The following NPFFR2 variants were observed in gnomAD, a reference collection of about 807,000 sequenced individuals.
The protein encoded by NPFFR2 is neuropeptide FF receptor 2.
NPFFR2 carries 15 observed loss-of-function variants against 13.1 expected under a neutral mutation model. The ratio of observed to expected loss-of-function variants is 1.15; its 90% CI spans 0.77 to 1.76. The LOEUF (loss-of-function observed/expected upper bound fraction) is 1.76, where lower values mean the gene tolerates loss of function less well. Ranked by LOEUF, NPFFR2 falls within the 40% of genes most tolerant of loss-of-function variation. The pLI is 0.00. For synonymous variants in NPFFR2, 190 were observed against 175.7 expected, an observed-to-expected ratio of 1.08 and a Z score of -0.65; for missense variants, 572 against 503.5, an observed-to-expected ratio of 1.14 and a Z score of -1.30.
chr4:72,118,112 T>C (rs980176384), intron 1 of NPFFR2, among the ~76,000 whole-genome samples: 1 of 152,224 alleles, frequency 6.6e-6, no homozygotes, highest in African/African-American at 2.4e-5. Context: ...TTATGTACCC[T>C]CTTATGTGCT....
chr4:72,130,727 C>A (rs1252662239), intron 2 of NPFFR2, among the ~76,000 whole-genome samples: 1 of 152,088 alleles, frequency 6.6e-6, no homozygotes, highest in East Asian at 1.9e-4. Flanking sequence ...GTAACTAATC[C>A]TGTACCAGCC....
intron 1 of NPFFR2, among the ~76,000 whole-genome samples, chr4:72,118,880 C>G (rs1721787789): frequency 6.6e-6 from 1 of 151,866 alleles, no homozygotes; most frequent in Admixed American, 6.5e-5. Context: ...AAATCTTCAA[C>G]AGAAAAATAA....
At chr4:72,036,569 T>C (rs1289910035) in intron 1 of NPFFR2, among the ~76,000 whole-genome samples, 2 of 148,044 alleles carry the variant, frequency 1.4e-5, no homozygotes, top group African/African-American at 4.9e-5. Flanking sequence ...TATATATACA[T>C]TTAAATATAT....
intron 3 of NPFFR2, among the ~76,000 whole-genome samples, chr4:72,141,207 C>A (rs535993333): frequency 1.2e-4 from 18 of 151,886 alleles, no homozygotes; most frequent in South Asian, 4.2e-4. Context: ...TAAAAAAAAA[C>A]CAGCTCCTGG....
intron 1 of NPFFR2, among the ~76,000 whole-genome samples, chr4:72,102,585 C>CT (rs1329774601): frequency 7.5e-6 from 1 of 133,946 alleles, no homozygotes; most frequent in Non-Finnish European, 1.5e-5. Flanking sequence ...TCCATGTGTT[C>CT]TCATTGTTCA....
intron 1 of NPFFR2, among the ~76,000 whole-genome samples, chr4:72,079,491 G>A (rs1720545478): frequency 6.6e-6 from 1 of 152,014 alleles, no homozygotes; most frequent in South Asian, 2.1e-4. Flanking sequence ...ATAAGAACAT[G>A]ATACCAAAAT....
rs562880175 is a variant in NPFFR2, at chr4:72,129,264, C to T, written c.328+345C>T. 6.6e-5 allele frequency among the ~76,000 whole-genome samples: 10 copies of T among 151,294 alleles called. No homozygotes were observed. In the East Asian group the frequency reaches 7.8e-4, roughly 12 times the overall value. On this transcript the variant is annotated intron_variant, in intron 2 of 3. Coordinates refer to ENST00000308744, the MANE Select transcript of NPFFR2 (RefSeq NM_004885.3). ...CCCCTACACACCTGTGGGTGTTTCT[C>T]GTAAGGTGGGACGAGAGATTTGGAA... is the stretch of plus-strand genomic sequence containing the variant.
intron 1 of NPFFR2, among the ~76,000 whole-genome samples, chr4:72,048,075 T>TAC (rs1055946361): frequency 2.8e-4 from 43 of 152,010 alleles, no homozygotes; most frequent in Admixed American, 7.9e-4. Context: ...ACACGTATAT[T>TAC]ACACACACAC....
intron 1 of NPFFR2, among the ~76,000 whole-genome samples, chr4:72,088,248 C>T (rs972963601): frequency 3.3e-5 from 5 of 151,990 alleles, no homozygotes; most frequent in African/African-American, 9.7e-5. Context: ...TCTTGGGCTG[C>T]CTCACTAATT....
At chr4:72,106,583 C>T (rs1048912889) in intron 1 of NPFFR2, among the ~76,000 whole-genome samples, 3 of 151,904 alleles carry the variant, frequency 2.0e-5, no homozygotes, top group Non-Finnish European at 4.4e-5. Flanking sequence ...CCAGGAACAC[C>T]TCATGACAAC....
intron 1 of NPFFR2, among the ~76,000 whole-genome samples, chr4:72,078,056 G>T (rs185975257): frequency 2.6e-5 from 4 of 151,932 alleles, no homozygotes; most frequent in African/African-American, 9.7e-5. Flanking sequence ...GAAATAAAAG[G>T]TATCTGCTCT....
chr4:72,135,109 G>A (rs771779698), intron 2 of NPFFR2, among the ~76,000 whole-genome samples: 10 of 152,008 alleles, frequency 6.6e-5, no homozygotes, highest in African/African-American at 2.4e-4. Context: ...ATAAAATATG[G>A]TATTACTGCT....
intron 1 of NPFFR2, among the ~76,000 whole-genome samples, chr4:72,042,571 T>C (rs7654029): frequency 0.89 from 135,324 of 152,136 alleles, 61,332 homozygotes; most frequent in Non-Finnish European, 0.98. Flanking sequence ...GATAGTGATA[T>C]GGACAATAAT....
At chr4:72,035,211 T>G (rs1719012800) in intron 1 of NPFFR2, among the ~76,000 whole-genome samples, 2 of 152,214 alleles carry the variant, frequency 1.3e-5, no homozygotes, top group African/African-American at 4.8e-5. Context: ...ATCTATAAAA[T>G]GGCCTAATAG....
chr4:72,114,934 C>A (rs996877940), intron 1 of NPFFR2, among the ~76,000 whole-genome samples: 10 of 152,066 alleles, frequency 6.6e-5, no homozygotes, highest in African/African-American at 2.4e-4. Flanking sequence ...AGTTTCTTCA[C>A]CTAAAAATGG....
rs10023565 is a variant in NPFFR2, at chr4:72,078,566, C to A, written c.-8+46366C>A. Among the ~76,000 whole-genome samples the A allele has an allele frequency of 8.0e-3, 1,214 of 152,136 alleles. 8 individuals carry two copies. Among genetic ancestry groups the A allele is most frequent in the African/African-American group, 0.017 (703 of 41,530 alleles). On this transcript the variant is annotated intron_variant, in intron 1 of 3. Coordinates refer to ENST00000308744, the MANE Select transcript of NPFFR2 (RefSeq NM_004885.3). ...TGGACATAGGCAAGTTCCTCCTAAA[C>A]TTTATGTAGAAAAGCACAGGACTAG...
intron 2 of NPFFR2, among the ~76,000 whole-genome samples, chr4:72,131,684 T>C (rs941821395): frequency 2.6e-5 from 4 of 152,162 alleles, no homozygotes; most frequent in African/African-American, 9.7e-5. Context: ...GAAATAGATT[T>C]ACATGGGTGA....
At chr4:72,126,955 A>C (rs1283619305) in intron 1 of NPFFR2, among the ~76,000 whole-genome samples, 1 of 152,114 alleles carries the variant, frequency 6.6e-6, no homozygotes, top group African/African-American at 2.4e-5. Context: ...GGGTCCTGCA[A>C]GTCTTTCTAG....
chr4:72,079,271 AG>A (rs1364412066), intron 1 of NPFFR2, among the ~76,000 whole-genome samples: 11 of 152,146 alleles, frequency 7.2e-5, no homozygotes, highest in Admixed American at 7.2e-4. Flanking sequence ...AAAAAAAAGC[AG>A]GAGACAGACT....
Sources: gnomAD v4.1 joint callset for allele counts (sites outside exome capture counted in the v4.1 genomes callset) on GRCh38, gnomAD v4.1.1 for gene constraint, MANE v1.5 for transcripts, NCBI Gene and HGNC (gene_info 2026-07-23, HGNC 2026-07-21) for gene names.